The following GRIA2 variants were observed in gnomAD, a reference collection of about 807,000 sequenced individuals.
GRIA2 encodes the protein glutamate ionotropic receptor AMPA type subunit 2, also known as glutamate receptor 2.
GRIA2 carries 14 observed loss-of-function variants against 97.3 expected under a neutral mutation model. The observed-to-expected ratio is 0.14, with a 90% confidence interval of 0.10 to 0.23. The LOEUF (loss-of-function observed/expected upper bound fraction) is 0.23, where lower values mean the gene tolerates loss of function less well. GRIA2 is among the 10% of genes least tolerant of loss of function. GRIA2 has a pLI of 1.00. For synonymous variants in GRIA2, 412 were observed against 387.8 expected (o/e 1.06, Z -0.73); for missense variants, 558 against 1,069.8 (o/e 0.52, Z 6.67).
rs1441149189 is a variant in GRIA2, at chr4:157,364,746, A to G, written c.*1315A>G. The G allele has an allele frequency of 2.0e-5, 3 of 152,126 alleles. No homozygotes were observed. In the South Asian group the frequency reaches 6.2e-4, roughly 32 times the overall value. 9.4% of individuals were successfully genotyped at this position (152,126 alleles called of 1,614,324 possible). A position where few individuals can be genotyped will look rare whatever the true frequency, so the allele number is the denominator to read the frequency against. ...AAAGCTGTCATAAACTTTATATATTATGAATTTTAAAATATGTTTGAGTCT... is the reference window on the plus strand; with the variant it reads ...AAAGCTGTCATAAACTTTATATATTGTGAATTTTAAAATATGTTTGAGTCT... On this transcript the variant is annotated 3_prime_UTR_variant, in exon 16 of 16. Coordinates refer to ENST00000264426, the MANE Select transcript of GRIA2 (RefSeq NM_001083619.3).
chr4:157,322,281 GTA>G (rs1472341708), intron 6 of GRIA2, among the ~76,000 whole-genome samples: 4 of 134,454 alleles, frequency 3.0e-5, no homozygotes, highest in Non-Finnish European at 4.9e-5. Flanking sequence ...GTGTGTGTGT[GTA>G]TAAAATAACA....
chr4:157,271,806 T>G (rs1317593010), intron 2 of GRIA2, among the ~76,000 whole-genome samples: 1 of 152,134 alleles, frequency 6.6e-6, no homozygotes, highest in Non-Finnish European at 1.5e-5. Flanking sequence ...CAGCTATCTG[T>G]CAACTCATTT....
chr4:157,362,853 G>A lies in GRIA2; in HGVS notation c.2461G>A (p.Val821Ile), dbSNP rs377344968. ...SNVAGVFYIL[V>I]GGLGLAMLVA... ...CGTTGCTGGAGTATTCTACATCCTT[G>A]TCGGGGGCCTTGGTTTGGCAATGCT... The change falls in exon 15 of 16, where the codon GTC becomes ATC. Residue 821 changes from valine (V) to isoleucine (I), a missense_variant. By Grantham distance (29) the Val-to-Ile change is conservative (BLOSUM62 3). Coordinates refer to ENST00000264426, the MANE Select transcript of GRIA2 (RefSeq NM_001083619.3). 4 of 1,613,330 alleles carry A rather than the reference G, an allele frequency of 2.5e-6. No homozygotes were observed. Among genetic ancestry groups the A allele is most frequent in the African/African-American group, 2.7e-5 (2 of 74,846 alleles).
At chr4:157,316,926 G>A (rs146982440) in intron 4 of GRIA2, among the ~76,000 whole-genome samples, 6 of 152,164 alleles carry the variant, frequency 3.9e-5, no homozygotes, top group African/African-American at 1.2e-4. Context: ...TCATTCAAAA[G>A]TCAAATTGAT....
intron 2 of GRIA2, among the ~76,000 whole-genome samples, chr4:157,290,581 T>C (rs777186338): frequency 2.6e-5 from 4 of 151,578 alleles, no homozygotes; most frequent in Non-Finnish European, 4.4e-5. Flanking sequence ...CATATATAGA[T>C]CCAGCAGGCA....
chr4:157,326,356 A>G (rs1294287605), intron 6 of GRIA2, among the ~76,000 whole-genome samples: 1 of 152,076 alleles, frequency 6.6e-6, no homozygotes, highest in African/African-American at 2.4e-5. Flanking sequence ...TACTGTTCTT[A>G]TCATTTATGT....
rs568049043 is a variant in GRIA2, at chr4:157,325,951, G to A, written c.882+4352G>A. Among the ~76,000 whole-genome samples the A allele has an allele frequency of 3.9e-5, 6 of 152,214 alleles. No individual in the cohort carries two copies. In the South Asian group the frequency reaches 1.2e-3, roughly 32 times the overall value. Reference sequence around the variant, plus strand: ...TATAAATAGATTATTTTGTGGTTCTGTTCCAAATGCTCCAATGTCTCTCCA... The same window carrying A: ...TATAAATAGATTATTTTGTGGTTCTATTCCAAATGCTCCAATGTCTCTCCA... On this transcript the variant is annotated intron_variant, in intron 6 of 15. Transcript: ENST00000264426.
At chr4:157,250,780 G>A (rs922818236) in intron 2 of GRIA2, among the ~76,000 whole-genome samples, 35 of 151,998 alleles carry the variant, frequency 2.3e-4, no homozygotes, top group African/African-American at 7.5e-4. Flanking sequence ...TCTCCACATC[G>A]TTTTACATAA....
intron 2 of GRIA2, among the ~76,000 whole-genome samples, chr4:157,267,409 A>AAG (rs1303444206): frequency 1.3e-5 from 2 of 151,686 alleles, no homozygotes; most frequent in Non-Finnish European, 1.5e-5. Context: ...AAAAAAAAAA[A>AAG]AAAAGTTAAA....
At chr4:157,300,014 T>C (rs79254232) in intron 2 of GRIA2, among the ~76,000 whole-genome samples, 110 of 152,238 alleles carry the variant, frequency 7.2e-4, no homozygotes, top group African/African-American at 2.6e-3. Context: ...TATAGGGTGT[T>C]GGTATTGTAT....
At chr4:157,352,743 C>T (rs1220512001) in intron 12 of GRIA2, among the ~76,000 whole-genome samples, 3 of 133,624 alleles carry the variant, frequency 2.2e-5, no homozygotes, top group African/African-American at 9.0e-5. Flanking sequence ...AAAAAACACA[C>T]ACAACAACAA....
chr4:157,309,935 A>G (rs1443370764), intron 3 of GRIA2, among the ~76,000 whole-genome samples: 2 of 152,328 alleles, frequency 1.3e-5, no homozygotes, highest in East Asian at 1.9e-4. Context: ...ACCCCCATCC[A>G]TGGATATAAT....
chr4:157,224,196 C>T (rs979918954), intron 2 of GRIA2, among the ~76,000 whole-genome samples: 6 of 152,118 alleles, frequency 3.9e-5, no homozygotes, highest in African/African-American at 1.2e-4. Context: ...AATATGTTCA[C>T]ATTTCCAGAG....
chr4:157,281,960 A>T (rs1401499937), intron 2 of GRIA2, among the ~76,000 whole-genome samples: 1 of 152,130 alleles, frequency 6.6e-6, no homozygotes. Context: ...ATGCTGTCTC[A>T]AAATGTCCTC....
intron 2 of GRIA2, among the ~76,000 whole-genome samples, chr4:157,224,675 G>C (rs971405821): frequency 1.1e-4 from 16 of 152,116 alleles, no homozygotes; most frequent in Non-Finnish European, 2.2e-4. Context: ...AAAATCTCTA[G>C]TGTTAAATTT....
intron 11 of GRIA2, among the ~76,000 whole-genome samples, chr4:157,340,229 T>C (rs1454642235): frequency 6.6e-6 from 1 of 151,904 alleles, no homozygotes; most frequent in Non-Finnish European, 1.5e-5. Flanking sequence ...TTTTTAGAAC[T>C]ATCACTTGTT....
chr4:157,344,924 T>A (rs1042109708), intron 12 of GRIA2, among the ~76,000 whole-genome samples: 4 of 152,146 alleles, frequency 2.6e-5, no homozygotes, highest in Non-Finnish European at 4.4e-5. Context: ...GAACTCCTAG[T>A]CTTTTGTCTC....
chr4:157,286,819 T>C (rs1367411770), intron 2 of GRIA2, among the ~76,000 whole-genome samples: 2 of 151,632 alleles, frequency 1.3e-5, no homozygotes. Flanking sequence ...TTTGTGGCAG[T>C]CAACACATCT....
intron 2 of GRIA2, among the ~76,000 whole-genome samples, chr4:157,281,480 T>C (rs377743604): frequency 6.6e-6 from 1 of 152,122 alleles, no homozygotes; most frequent in Admixed American, 6.6e-5. Flanking sequence ...CCTAAAACTT[T>C]TGTAGACTTT....
Sources: gnomAD v4.1 joint callset for allele counts (sites outside exome capture counted in the v4.1 genomes callset) on GRCh38, gnomAD v4.1.1 for gene constraint, MANE v1.5 for transcripts, NCBI Gene and HGNC (gene_info 2026-07-23, HGNC 2026-07-21) for gene names.